PTPN2: variants seen among roughly 807,000 people sequenced by gnomAD.
PTPN2 encodes the protein protein tyrosine phosphatase non-receptor type 2.
PTPN2 carries 19 observed loss-of-function variants against 57.3 expected under a neutral mutation model. The ratio of observed to expected loss-of-function variants is 0.33; its 90% confidence interval spans 0.23 to 0.49. The LOEUF (loss-of-function observed/expected upper bound fraction) is 0.49. Ranked by LOEUF, PTPN2 falls within the 20% of genes least tolerant of loss-of-function variation. The pLI is 0.99. For missense variants in PTPN2, 358 were observed against 501.1 expected (o/e 0.71, Z 2.73); for synonymous variants, 153 against 164.9 (o/e 0.93, Z 0.55).
intron 4 of PTPN2, 30 bp from the exon 5 acceptor site, chr18:12,825,974 TTTTAG>T: frequency 6.5e-7 from 1 of 1,546,054 alleles, no homozygotes; most frequent in African/African-American, 1.4e-5. Context: ...TATGATTTTT[TTTTAG>T]TTTATAGACA....
rs548032578 is a variant in PTPN2 at position 12,837,094 on chromosome 18, C to G, written c.161-203G>C. The stretch of plus-strand genomic sequence containing the variant: ...TGCAATCTTGTTTATTACTATAGTG[C>G]TGGAAAGGAAGCACTTCTGTTTGTA... On this transcript the variant is annotated intron_variant, in intron 2 of 8. Transcript: ENST00000309660. Among the ~76,000 whole-genome samples, 3 of 152,244 alleles carry G rather than the reference C, an allele frequency of 2.0e-5. No homozygotes were observed. In the East Asian group the frequency reaches 5.8e-4, roughly 29 times the overall value.
chr18:12,785,560 CTAAT>C (rs1173904974), exon 10 of PTPN2: 10 of 532,510 alleles, frequency 1.9e-5, no homozygotes, highest in Non-Finnish European at 3.3e-5. Flanking sequence ...GTAATCTCCC[CTAAT>C]TTATTTCTTG....
intron 1 of PTPN2, chr18:12,864,283 ACCACCTTTTT>A (rs2043919624): frequency 6.6e-6 from 1 of 151,986 alleles, no homozygotes; most frequent in Non-Finnish European, 1.5e-5. Context: ...AAGACCACAC[ACCACCTTTTT>A]CCAAAGTAGT....
chr18:12,874,166 C>A (rs2044381680), intron 1 of PTPN2, among the ~76,000 whole-genome samples: 1 of 150,764 alleles, frequency 6.6e-6, no homozygotes, highest in East Asian at 2.0e-4. Context: ...TGGGGGTCAG[C>A]CCCCGCCAGG....
At chr18:12,874,595 G>GC (rs1294424299) in intron 1 of PTPN2, among the ~76,000 whole-genome samples, 2 of 117,678 alleles carry the variant, frequency 1.7e-5, no homozygotes, top group African/African-American at 3.5e-5. Flanking sequence ...GGGGGGTTCA[G>GC]CCCCCCGCCC....
chr18:12,821,749 G>C (rs935677777), intron 5 of PTPN2, among the ~76,000 whole-genome samples: 1 of 152,194 alleles, frequency 6.6e-6, no homozygotes, highest in Non-Finnish European at 1.5e-5. Flanking sequence ...ACCCGAAGGA[G>C]AGGGAGTTAG....
intron 2 of PTPN2, chr18:12,843,837 C>T (rs1568138300): frequency 6.6e-6 from 1 of 152,378 alleles, no homozygotes; most frequent in Non-Finnish European, 1.5e-5. Context: ...TACAGGCACT[C>T]ATTTGTGTGT....
intron 2 of PTPN2, among the ~76,000 whole-genome samples, chr18:12,856,209 C>T (rs951921015): frequency 6.6e-6 from 1 of 152,182 alleles, no homozygotes; most frequent in East Asian, 1.9e-4. Context: ...CAGTGAATGA[C>T]TGAAGTCAGG....
At chr18:12,819,210 A>G in intron 5 of PTPN2, 1 of 1,369,236 alleles carries the variant, frequency 7.3e-7, no homozygotes, top group Middle Eastern at 1.8e-4. Flanking sequence ...TAAAAAGTAC[A>G]TACTTTTAGT....
intron 4 of PTPN2, among the ~76,000 whole-genome samples, chr18:12,829,378 G>A (rs2042588530): frequency 6.6e-6 from 1 of 151,830 alleles, no homozygotes; most frequent in African/African-American, 2.4e-5. Context: ...GGTGGTGGGT[G>A]CTTGTAATCC....
intron 1 of PTPN2, among the ~76,000 whole-genome samples, chr18:12,881,389 G>A (rs2044663580): frequency 6.6e-6 from 1 of 152,122 alleles, no homozygotes; most frequent in Admixed American, 6.5e-5. Context: ...GTGAGCTGAC[G>A]TCGCACCACT....
intron 1 of PTPN2, among the ~76,000 whole-genome samples, chr18:12,860,457 C>A (rs1568157637): frequency 6.6e-6 from 1 of 151,732 alleles, no homozygotes; most frequent in African/African-American, 2.4e-5. Context: ...ATTAGCCAGG[C>A]GCGATGGCAG....
At chr18:12,859,681 A>T (rs1255056894) in intron 1 of PTPN2, among the ~76,000 whole-genome samples, 1 of 152,208 alleles carries the variant, frequency 6.6e-6, no homozygotes, top group East Asian at 1.9e-4. Context: ...TCAAATTCTG[A>T]CTAAAACTCA....
At chr18:12,814,044 CT>C (rs1162112212) in intron 7 of PTPN2, among the ~76,000 whole-genome samples, 158 bp downstream of exon 7, 1 of 152,182 alleles carries the variant, frequency 6.6e-6, no homozygotes. Flanking sequence ...TATGAGGAAG[CT>C]AGCTAAAATT....
At chr18:12,880,269 G>C (rs2044624745) in intron 1 of PTPN2, among the ~76,000 whole-genome samples, 1 of 152,176 alleles carries the variant, frequency 6.6e-6, no homozygotes, top group Non-Finnish European at 1.5e-5. Flanking sequence ...CAACACAGTG[G>C]AAAAGAGGGA....
intron 6 of PTPN2, among the ~76,000 whole-genome samples, chr18:12,815,013 G>C (rs1598770589): frequency 6.6e-6 from 1 of 152,022 alleles, no homozygotes; most frequent in East Asian, 1.9e-4. Context: ...GAACCCAGGA[G>C]GCGGCGGTTG....
At chr18:12,861,269 G>T (rs906483542) in intron 1 of PTPN2, among the ~76,000 whole-genome samples, 1 of 152,208 alleles carries the variant, frequency 6.6e-6, no homozygotes, top group South Asian at 2.1e-4. Flanking sequence ...TAGCCTGCAC[G>T]TGGAAGAGAA....
chr18:12,856,587 G>A (rs1257165888), intron 2 of PTPN2, among the ~76,000 whole-genome samples: 1 of 152,158 alleles, frequency 6.6e-6, no homozygotes, highest in Non-Finnish European at 1.5e-5. Flanking sequence ...CAATGATGAT[G>A]GAGGGAGGCC....
At chr18:12,835,214 T>G in intron 3 of PTPN2, among the ~76,000 whole-genome samples, 1 of 152,214 alleles carries the variant, frequency 6.6e-6, no homozygotes, top group African/African-American at 2.4e-5. Flanking sequence ...TAAAAAAAAC[T>G]TCCAATATTA....
Sources: allele counts gnomAD v4.1 joint callset (sites outside exome capture counted in the v4.1 genomes callset), GRCh38; gene constraint gnomAD v4.1.1; transcripts MANE v1.5; gene names NCBI Gene and HGNC (gene_info 2026-07-23, HGNC 2026-07-21).